DLGAP2: variants seen among roughly 807,000 people sequenced by gnomAD.
The protein encoded by DLGAP2 is DLG associated protein 2.
In DLGAP2, 26 loss-of-function variants were observed where a neutral mutation model predicts 100.3. The ratio of observed to expected loss-of-function variants is 0.26; its 90% CI spans 0.19 to 0.36. DLGAP2 has a LOEUF of 0.36. DLGAP2 is among the 10% of genes least tolerant of loss of function. The probability of loss-of-function intolerance (pLI) is 1.00; values close to 1 mark genes in which losing one functional copy is unlikely to be tolerated. For synonymous variants in DLGAP2, 886 were observed against 630.1 expected, an observed-to-expected ratio of 1.41 and a Z score of -6.08; for missense variants, 1,858 against 1,453.2, an observed-to-expected ratio of 1.28 and a Z score of -4.53.
chr8:1,696,735 G>A (rs1024173375), intron 13 of DLGAP2, among the ~76,000 whole-genome samples: 7 of 152,274 alleles, frequency 4.6e-5, no homozygotes, highest in Admixed American at 3.3e-4. Context: ...GAACAAGCAG[G>A]TATAGAATGG....
chr8:1,095,443 A>T (rs1293126458), intron 2 of DLGAP2, among the ~76,000 whole-genome samples: 1 of 152,152 alleles, frequency 6.6e-6, no homozygotes, highest in South Asian at 2.1e-4. Flanking sequence ...GCTTCCGGTT[A>T]CACTTGACTT....
chr8:1,436,805 C>T (rs1327160726), intron 3 of DLGAP2, among the ~76,000 whole-genome samples: 1 of 152,216 alleles, frequency 6.6e-6, no homozygotes, highest in East Asian at 1.9e-4. Flanking sequence ...AAGTTCCATT[C>T]ATGGTGAGTG....
chr8:1,599,936 C>G (rs189785060), intron 6 of DLGAP2, among the ~76,000 whole-genome samples: 1 of 152,164 alleles, frequency 6.6e-6, no homozygotes, highest in East Asian at 1.9e-4. Context: ...GGTTATTTTG[C>G]CCATTAATTG....
Position 1,705,123 on chromosome 8 carries a change from G to GT in DLGAP2, c.*3718dup, listed in dbSNP as rs1799671300. The GT allele has an allele frequency of 6.6e-6, 1 of 152,240 alleles. No individual in the cohort carries two copies. Among genetic ancestry groups the GT allele is most frequent in the African/African-American group, 2.4e-5 (1 of 41,464 alleles). The allele number at this position is 152,240 out of a possible 1,614,324, so 9.4% of individuals were successfully genotyped here. A position where few individuals can be genotyped will look rare whatever the true frequency, so the allele number is the denominator to read the frequency against. On this transcript the variant is annotated 3_prime_UTR_variant, in exon 15 of 15. Transcript: ENST00000637795. ...CAGGCCTGTGTTTGCAGCGCCTGTG[G>GT]TAACTGTGGAATGAGCTCTGTTAGG...
At chr8:1,529,664 A>T (rs946927361) in intron 4 of DLGAP2, among the ~76,000 whole-genome samples, 1 of 152,244 alleles carries the variant, frequency 6.6e-6, no homozygotes, top group Admixed American at 6.5e-5. Flanking sequence ...TACAGAAGTT[A>T]AGCTTGAACA....
chr8:834,955 T>C (rs1159022323), intron 1 of DLGAP2, among the ~76,000 whole-genome samples: 1 of 152,228 alleles, frequency 6.6e-6, no homozygotes, highest in African/African-American at 2.4e-5. Context: ...CATGTGTGTA[T>C]GTGTGCCTGT....
intron 2 of DLGAP2, among the ~76,000 whole-genome samples, chr8:1,085,089 T>C (rs552696897): frequency 4.6e-5 from 7 of 152,364 alleles, no homozygotes; most frequent in South Asian, 2.1e-4. Flanking sequence ...TGATTTGATA[T>C]TGACTGGCAT....
At chr8:912,959 A>G (rs1798519228) in intron 2 of DLGAP2, among the ~76,000 whole-genome samples, 1 of 152,102 alleles carries the variant, frequency 6.6e-6, no homozygotes, top group Admixed American at 6.5e-5. Context: ...CAGTAGCTGC[A>G]GTTGCTGTGT....
intron 1 of DLGAP2, among the ~76,000 whole-genome samples, chr8:802,908 G>A (rs1056702301): frequency 3.3e-5 from 5 of 152,176 alleles, no homozygotes; most frequent in African/African-American, 1.2e-4. Flanking sequence ...CCAGGAGGGG[G>A]TGTGATTTTA....
chr8:798,025 C>A (rs1260311943), intron 1 of DLGAP2, among the ~76,000 whole-genome samples: 1 of 152,244 alleles, frequency 6.6e-6, no homozygotes, highest in Non-Finnish European at 1.5e-5. Context: ...GCTGGGATTA[C>A]AGGCGTGAGC....
chr8:1,033,333 T>C (rs567095342), intron 2 of DLGAP2, among the ~76,000 whole-genome samples: 1 of 152,264 alleles, frequency 6.6e-6, no homozygotes, highest in East Asian at 1.9e-4. Flanking sequence ...TATCTCTGTC[T>C]CAAGAAGGGA....
At chr8:1,161,070 T>G (rs566028400) in intron 2 of DLGAP2, among the ~76,000 whole-genome samples, 1 of 152,336 alleles carries the variant, frequency 6.6e-6, no homozygotes, top group African/African-American at 2.4e-5. Flanking sequence ...TAAGACACTT[T>G]GCCTATTCCA....
At chr8:1,025,819 G>T (rs150350802) in intron 2 of DLGAP2, among the ~76,000 whole-genome samples, 82 of 152,336 alleles carry the variant, frequency 5.4e-4, no homozygotes, top group Non-Finnish European at 9.4e-4. Flanking sequence ...TCAGCCTTGG[G>T]AGTTTCCAGC....
intron 1 of DLGAP2, among the ~76,000 whole-genome samples, chr8:890,835 G>A (rs564780910): frequency 9.2e-5 from 14 of 152,014 alleles, no homozygotes; most frequent in African/African-American, 2.7e-4. Flanking sequence ...GGCGTTTCCC[G>A]ACCCCCCTAA....
Position 1,238,290 on chromosome 8 carries a change from TTGC to T in DLGAP2, c.74-20560_74-20558del, listed in dbSNP as rs1563272428. On this transcript the variant is annotated intron_variant, in intron 2 of 14. Transcript: ENST00000637795. ...GTACCGTGTCTAGTTCTCTCACATG[TTGC>T]CGTGTCTAGTTCTCTCTCACATATA... Among the ~76,000 whole-genome samples, 9 of 17,402 alleles carry T rather than the reference TTGC, an allele frequency of 5.2e-4. 1 individual carries two copies. Among genetic ancestry groups the T allele is most frequent in the African/African-American group, 3.0e-3 (8 of 2,630 alleles). The allele number at this position is 17,402 out of a possible 152,430, so 11.4% of individuals were successfully genotyped here. A position where few individuals can be genotyped will look rare whatever the true frequency, so the allele number is the denominator to read the frequency against.
chr8:1,672,531 G>T (rs1037647033), intron 10 of DLGAP2, among the ~76,000 whole-genome samples: 2 of 152,178 alleles, frequency 1.3e-5, no homozygotes, highest in Admixed American at 6.5e-5. Flanking sequence ...CCCAGCCAAG[G>T]AGATCAGTTT....
chr8:1,013,194 G>C (rs1057494886), intron 2 of DLGAP2, among the ~76,000 whole-genome samples: 5 of 152,106 alleles, frequency 3.3e-5, no homozygotes, highest in Non-Finnish European at 7.3e-5. Context: ...AATAGTCAAG[G>C]GCTATGTGTA....
intron 2 of DLGAP2, among the ~76,000 whole-genome samples, chr8:1,116,349 G>A (rs1296877460): frequency 1.3e-5 from 2 of 152,186 alleles, no homozygotes; most frequent in Non-Finnish European, 2.9e-5. Flanking sequence ...AGCGGTTGAT[G>A]CCCGGAAGAC....
At chr8:1,306,720 T>A (rs934778448) in intron 3 of DLGAP2, among the ~76,000 whole-genome samples, 2 of 152,166 alleles carry the variant, frequency 1.3e-5, no homozygotes, top group Admixed American at 6.5e-5. Context: ...TGGAACAGAA[T>A]AGAGAGTCCA....
Sources: allele counts gnomAD v4.1 joint callset (sites outside exome capture counted in the v4.1 genomes callset), GRCh38; gene constraint gnomAD v4.1.1; transcripts MANE v1.5; gene names NCBI Gene and HGNC (gene_info 2026-07-23, HGNC 2026-07-21).